RANBP2: variants seen among roughly 807,000 people sequenced by gnomAD.
RANBP2 encodes the protein RAN binding protein 2.
Under a neutral mutation model 303.6 loss-of-function variants are expected in RANBP2, and 57 were observed. The ratio of observed to expected loss-of-function variants is 0.19; its 90% CI spans 0.15 to 0.23. RANBP2 has a LOEUF of 0.23. Ranked by LOEUF, RANBP2 falls within the 10% of genes least tolerant of loss-of-function variation. The pLI is 1.00. For synonymous variants in RANBP2, 1,167 were observed against 1,301.5 expected (o/e 0.90, Z 2.23); for missense variants, 3,138 against 3,780.8 (o/e 0.83, Z 4.46).
the RANBP2 span, among the ~76,000 whole-genome samples, chr2:109,139,957 C>T: frequency 9.5e-3 from 1,452 of 152,198 alleles, 36 homozygotes; most frequent in African/African-American, 0.033. Context: ...GGCTGTTTGT[C>T]TCAAATATAG....
chr2:109,389,036 A>G, the RANBP2 span, among the ~76,000 whole-genome samples: 1 of 152,214 alleles, frequency 6.6e-6, no homozygotes, highest in East Asian at 1.9e-4. Context: ...GGAGCCCATC[A>G]CATGCAGCAT....
intron 7 of RANBP2, among the ~76,000 whole-genome samples, chr2:108,745,968 A>G (rs1483176585): frequency 6.7e-6 from 1 of 149,480 alleles, no homozygotes; most frequent in East Asian, 2.0e-4. Context: ...GCACAGTGGC[A>G]TGATCATGGC....
chr2:109,362,570 G>T, the RANBP2 span, among the ~76,000 whole-genome samples: 616 of 152,258 alleles, frequency 4.0e-3, 5 homozygotes, highest in South Asian at 0.024. Context: ...GTGGATGTCA[G>T]TTGTATCCAG....
the RANBP2 span, among the ~76,000 whole-genome samples, chr2:109,526,528 T>C: frequency 5.3e-5 from 8 of 152,180 alleles, no homozygotes; most frequent in Admixed American, 5.2e-4. Flanking sequence ...GCCAGGCTGG[T>C]GTCGAACTCC....
chr2:108,750,808 C>T (rs1221400914), intron 9 of RANBP2, among the ~76,000 whole-genome samples: 3 of 152,144 alleles, frequency 2.0e-5, no homozygotes, highest in Non-Finnish European at 2.9e-5. Context: ...AGGCTGGTCT[C>T]GAACTCCTGA....
At chr2:109,020,573 T>C in the RANBP2 span, among the ~76,000 whole-genome samples, 7 of 152,346 alleles carry the variant, frequency 4.6e-5, no homozygotes, top group South Asian at 1.4e-3. Flanking sequence ...CTGACAACTT[T>C]ATTGGATCCA....
the RANBP2 span, among the ~76,000 whole-genome samples, chr2:109,284,709 G>A: frequency 6.6e-6 from 1 of 152,162 alleles, no homozygotes; most frequent in African/African-American, 2.4e-5. Context: ...TCTAGGCCAG[G>A]CAGATCATCT....
the RANBP2 span, chr2:109,615,988 AGGAGGGAGTGGG>A: frequency 2.6e-6 from 4 of 1,552,062 alleles, no homozygotes; most frequent in Non-Finnish European, 3.5e-6. Context: ...GGCAGGGGGG[AGGAGGGAGTGGG>A]GGAGGAACGA....
chr2:109,574,406 AC>A, the RANBP2 span, among the ~76,000 whole-genome samples: 1 of 149,556 alleles, frequency 6.7e-6, no homozygotes, highest in African/African-American at 2.5e-5. Flanking sequence ...CGATCTCACA[AC>A]TACCTCCAGC....
the RANBP2 span, among the ~76,000 whole-genome samples, chr2:109,450,836 C>G: frequency 6.6e-6 from 1 of 152,228 alleles, no homozygotes; most frequent in Non-Finnish European, 1.5e-5. Context: ...GGATTGTTCT[C>G]TCTTGGCTTG....
chr2:109,700,707 G>A, the RANBP2 span, among the ~76,000 whole-genome samples: 1 of 152,112 alleles, frequency 6.6e-6, no homozygotes, highest in Admixed American at 6.6e-5. Flanking sequence ...GCAAACAAAT[G>A]TGAATACTTG....
At chr2:109,033,606 G>C in the RANBP2 span, among the ~76,000 whole-genome samples, 10 of 152,198 alleles carry the variant, frequency 6.6e-5, no homozygotes, top group East Asian at 1.9e-3. Context: ...CAGTCACAAT[G>C]TAGGGTATCT....
the RANBP2 span, chr2:109,546,040 G>C: frequency 6.4e-7 from 1 of 1,557,658 alleles, no homozygotes; most frequent in African/African-American, 1.4e-5. Context: ...AGGGTGGCTG[G>C]GCCTCTTACT....
the RANBP2 span, among the ~76,000 whole-genome samples, chr2:109,057,122 A>C: frequency 3.9e-5 from 6 of 152,210 alleles, no homozygotes; most frequent in African/African-American, 1.4e-4. Flanking sequence ...TTAGGCAAGA[A>C]ATTTGCAGAT....
At chr2:108,937,867 T>C in the RANBP2 span, among the ~76,000 whole-genome samples, 1 of 152,206 alleles carries the variant, frequency 6.6e-6, no homozygotes, top group Non-Finnish European at 1.5e-5. Flanking sequence ...CCCTGAGCCC[T>C]CGGGTGGGGC....
chr2:109,726,431 A>G, the RANBP2 span, among the ~76,000 whole-genome samples: 1 of 151,962 alleles, frequency 6.6e-6, no homozygotes, highest in South Asian at 2.1e-4. Context: ...CCAAAAAACA[A>G]AAAACAAACG....
the RANBP2 span, among the ~76,000 whole-genome samples, chr2:109,445,760 G>T: frequency 1.3e-5 from 2 of 152,036 alleles, no homozygotes; most frequent in Admixed American, 6.6e-5. Flanking sequence ...TAGAGAGGGG[G>T]GTTGGCTTGG....
At chr2:109,671,747 C>A in the RANBP2 span, among the ~76,000 whole-genome samples, 1 of 151,836 alleles carries the variant, frequency 6.6e-6, no homozygotes, top group African/African-American at 2.4e-5. Flanking sequence ...CCTGAGCCAG[C>A]CATGAGTGTA....
chr2:109,307,396 G>A, the RANBP2 span, among the ~76,000 whole-genome samples: 15 of 151,966 alleles, frequency 9.9e-5, no homozygotes, highest in Non-Finnish European at 1.9e-4. Flanking sequence ...TGCTCTGGGC[G>A]GAAGCTTGGA....
Sources: allele counts gnomAD v4.1 joint callset (sites outside exome capture counted in the v4.1 genomes callset), GRCh38; gene constraint gnomAD v4.1.1; transcripts MANE v1.5; gene names NCBI Gene and HGNC (gene_info 2026-07-23, HGNC 2026-07-21).